The following FAT4 variants were observed in gnomAD, a reference collection of about 807,000 sequenced individuals.
The protein encoded by FAT4 is protocadherin Fat 4.
In FAT4, 84 loss-of-function variants were observed where a neutral mutation model predicts 303.9. That is an observed-to-expected ratio of 0.28 (90% CI 0.23 to 0.33). The LOEUF (loss-of-function observed/expected upper bound fraction) is 0.33. FAT4 is among the 10% of genes least tolerant of loss of function. FAT4 has a pLI of 1.00. For missense variants in FAT4, 6,005 were observed against 6,146.8 expected, an observed-to-expected ratio of 0.98 and a Z score of 0.77; for synonymous variants, 2,307 against 2,298.8, an observed-to-expected ratio of 1.00 and a Z score of -0.10.
At position 125,376,582 on chromosome 4, in the gene FAT4, A is replaced by G. The variant is rs1310584717; in HGVS notation, c.5176-22202A>G. 2.6e-5 allele frequency among the ~76,000 whole-genome samples: 4 copies of G among 152,276 alleles called. No homozygotes were observed. The East Asian group carries it at 7.7e-4, about 29-fold the overall frequency. ...CCTGCACGTTGTGCACGTGAACCCT[A>G]GATCTTAAGTATAATTAAAAATAAA... On this transcript the variant is annotated intron_variant, in intron 2 of 17. Coordinates refer to ENST00000394329, the MANE Select transcript of FAT4 (RefSeq NM_001291303.3).
intron 2 of FAT4, among the ~76,000 whole-genome samples, chr4:125,350,758 C>T (rs1402553245): frequency 6.6e-6 from 1 of 151,626 alleles, no homozygotes; most frequent in Non-Finnish European, 1.5e-5. Flanking sequence ...TGCTGATTTC[C>T]TTGAAAGTAC....
intron 2 of FAT4, among the ~76,000 whole-genome samples, chr4:125,349,487 C>T (rs1732136614): frequency 6.6e-6 from 1 of 151,674 alleles, no homozygotes; most frequent in African/African-American, 2.4e-5. Flanking sequence ...CTGTGTTTCT[C>T]ATTCACCCTA....
At position 125,479,614 on chromosome 4, in the gene FAT4, T is replaced by C. The variant is rs1727151768; in HGVS notation, c.12480-127T>C. 8.8e-6 allele frequency: 8 copies of C among 904,548 alleles called. No individual in the cohort carries two copies. In the South Asian group the frequency reaches 3.1e-4, roughly 35 times the overall value. The allele number at this position is 904,548 out of a possible 1,614,324, so 56.0% of individuals were successfully genotyped here. ...GTTTGATTAGTTTCTCCAAATGTAGTTGTAACTTGAGCTTCAAATAATGGA... is the reference window on the plus strand; with the variant it reads ...GTTTGATTAGTTTCTCCAAATGTAGCTGTAACTTGAGCTTCAAATAATGGA... On this transcript the variant is annotated intron_variant, in intron 14 of 17. Transcript: ENST00000394329.
chr4:125,418,009 C>T (rs1320199821), intron 7 of FAT4, among the ~76,000 whole-genome samples: 2 of 152,066 alleles, frequency 1.3e-5, no homozygotes, highest in African/African-American at 2.4e-5. Flanking sequence ...TTTAGACATC[C>T]GGTTTTAGAA....
In FAT4 at chr4:125,448,668, C is replaced by T. The variant is rs765513094; in HGVS notation, c.7658C>T (p.Ser2553Phe). The change falls in exon 10 of 18, where the codon TCT becomes TTT. Residue 2553 changes from serine to phenylalanine, a missense_variant. By Grantham distance (155) the Ser-to-Phe change is radical. Transcript: ENST00000394329. ...GGTGGCTCATTTCCAAAGACAGATTCTACAACAGTGACTGTTAGATTCGTG... is the reference window on the plus strand; with the variant it reads ...GGTGGCTCATTTCCAAAGACAGATTTTACAACAGTGACTGTTAGATTCGTG... ...KDGGSFPKTD[S>F]TTVTVRFVNK... 6.2e-7 allele frequency: 1 copy of T among 1,613,930 alleles called. No homozygotes were observed. The highest frequency in any genetic ancestry group is 1.1e-5 in the South Asian group (1 of 91,078).
Position 125,406,717 on chromosome 4 carries a change from C to T in FAT4, c.5308-163C>T, listed in dbSNP as rs750034318. On this transcript the variant is annotated intron_variant, in intron 3 of 17. Transcript: ENST00000394329. ...GGGCATACAAAGCTTTTACCGCCTT[C>T]GTTAGTTAGTAAGTTTATCTCTCAT... Among the ~76,000 whole-genome samples the T allele has an allele frequency of 5.3e-5, 8 of 152,198 alleles. No homozygotes were observed. In the East Asian group the frequency reaches 5.8e-4, roughly 11 times the overall value.
intron 10 of FAT4, 129 bp downstream of exon 10, chr4:125,452,939 T>C: frequency 8.4e-7 from 1 of 1,189,258 alleles, no homozygotes. Context: ...TTTTTAAACA[T>C]TTACTGTTGG....
Position 125,450,350 on chromosome 4 carries a change from T to C in FAT4, c.9340T>C (p.Ser3114Pro). The C allele has an allele frequency of 6.2e-7, 1 of 1,614,118 alleles. No individual in the cohort carries two copies. The highest frequency in any genetic ancestry group is 1.6e-4 in the Middle Eastern group (1 of 6,062). Residue 3114 changes from serine to proline, a missense_variant, in exon 10 of 18, where the codon TCT (serine) becomes CCT (proline). Transcript: ENST00000394329. The part of the protein sequence containing the change: ...HSIGSIVRTV[S>P]ARDRDAAMNG... ...CATTGGGTCCATTGTCAGAACTGTT[T>C]CTGCAAGAGATAGAGATGCAGCGAT...
chr4:125,380,930 C>T (rs761921694), intron 2 of FAT4, among the ~76,000 whole-genome samples: 1 of 152,026 alleles, frequency 6.6e-6, no homozygotes, highest in Non-Finnish European at 1.5e-5. Context: ...CAAACATTTG[C>T]TTTTTTAATA....
At chr4:125,325,568 A>T (rs1055278214) in intron 2 of FAT4, among the ~76,000 whole-genome samples, 1 of 152,206 alleles carries the variant, frequency 6.6e-6, no homozygotes, top group Non-Finnish European at 1.5e-5. Context: ...TCAGCTTACA[A>T]TTCAATTACA....
rs777227931 is a variant in FAT4 at position 125,468,693 on chromosome 4, C to A, written c.12087C>A (p.Ala4029=). ...NQTGDRAEFL[A]LEIAEERLRF... is the part of the protein sequence containing the mutation. The stretch of plus-strand genomic sequence containing the variant: ...CAGGCGACCGGGCTGAGTTTTTGGC[C>A]CTTGAAATTGCCGAAGAAAGACTAA... Residue 4029 remains alanine (A), a synonymous_variant, in exon 12 of 18, where the codon GCC becomes GCA. Coordinates refer to ENST00000394329, the MANE Select transcript of FAT4 (RefSeq NM_001291303.3). 1.9e-6 allele frequency: 3 copies of A among 1,614,004 alleles called. No individual in the cohort carries two copies. The South Asian group carries it at 3.3e-5, about 18-fold the overall frequency.
rs1371547457 is a variant in FAT4 at position 125,319,300 on chromosome 4, A to G, written c.2889A>G (p.Gln963=). 1.2e-6 allele frequency: 2 copies of G among 1,613,986 alleles called. No homozygotes were observed. The highest frequency in any genetic ancestry group is 1.7e-6 in the Non-Finnish European group (2 of 1,180,034). The change falls in exon 2 of 18, where the codon CAA becomes CAG. Residue 963 remains glutamine, a synonymous_variant. Coordinates refer to ENST00000394329, the MANE Select transcript of FAT4 (RefSeq NM_001291303.3). The part of the protein sequence containing the change: ...GPLDVHAGSY[Q]IEILASDMGV... ...TGGATGTTCATGCTGGCTCCTACCA[A>G]ATAGAGATCTTGGCATCTGACATGG...
At position 125,320,516 on chromosome 4, in the gene FAT4, A is replaced by G. The variant is rs1560756651; in HGVS notation, c.4105A>G (p.Thr1369Ala). 6.2e-7 allele frequency: 1 copy of G among 1,614,026 alleles called. No individual in the cohort carries two copies. Among genetic ancestry groups the G allele is most frequent in the Non-Finnish European group, 8.5e-7 (1 of 1,179,934 alleles). The stretch of plus-strand genomic sequence containing the variant: ...CGGAACTTTTAGCATTAGCCCAAAC[A>G]CTGGGAGTATTTTTCTTGCCAAAAA... The part of the protein sequence containing the change: ...NHGTFSISPN[T>A]GSIFLAKKLD... Residue 1369 changes from threonine (T) to alanine (A), a missense_variant, in exon 2 of 18, where the codon ACT (threonine) becomes GCT (alanine). Transcript: ENST00000394329.
intron 4 of FAT4, among the ~76,000 whole-genome samples, chr4:125,407,576 C>G (rs1734667002): frequency 6.6e-6 from 1 of 152,070 alleles, no homozygotes; most frequent in East Asian, 1.9e-4. Context: ...TTTCAATTCT[C>G]TATCCTGTAA....
chr4:125,415,523 G>A lies in FAT4; in HGVS notation c.6560G>A (p.Gly2187Glu). 1 of 1,614,080 alleles carries A rather than the reference G, an allele frequency of 6.2e-7. No homozygotes were observed. Among genetic ancestry groups the A allele is most frequent in the Non-Finnish European group, 8.5e-7 (1 of 1,179,970 alleles). The stretch of plus-strand genomic sequence containing the variant: ...GCAGATGGAGATGAAGGCACAAATG[G>A]ACAGGTTCGCTATGGCATTGTTAAT... ...FAADGDEGTN[G>E]QVRYGIVNGN... The change falls in exon 6 of 18, where the codon GGA becomes GAA. Residue 2187 changes from glycine (G) to glutamate (E), a missense_variant. By Grantham distance (98) the Gly-to-Glu change is moderately conservative. Coordinates refer to ENST00000394329, the MANE Select transcript of FAT4 (RefSeq NM_001291303.3).
At chr4:125,384,688 G>T (rs1267867627) in intron 2 of FAT4, among the ~76,000 whole-genome samples, 1 of 151,972 alleles carries the variant, frequency 6.6e-6, no homozygotes, top group Non-Finnish European at 1.5e-5. Flanking sequence ...TCTATCACTT[G>T]TGCTTTTCCT....
intron 11 of FAT4, among the ~76,000 whole-genome samples, chr4:125,465,965 G>A (rs993462031): frequency 2.0e-5 from 3 of 152,086 alleles, no homozygotes; most frequent in African/African-American, 7.2e-5. Flanking sequence ...ATGTCAGATG[G>A]CATGCCTCAA....
intron 2 of FAT4, among the ~76,000 whole-genome samples, chr4:125,339,704 G>A (rs997501223): frequency 6.6e-6 from 1 of 152,036 alleles, no homozygotes; most frequent in African/African-American, 2.4e-5. Flanking sequence ...AGAAAACTGA[G>A]GCTCAGGGAA....
In FAT4 at chr4:125,451,016, C is replaced by T. The variant is rs779250910; in HGVS notation, c.10006C>T (p.His3336Tyr). The change falls in exon 10 of 18, where the codon CAC becomes TAC. Residue 3336 changes from histidine to tyrosine, a missense_variant. His to Tyr is a moderately conservative substitution (Grantham distance 83). Transcript: ENST00000394329. ...TGATTTGGGCACTGATGGGGAGGTA[C>T]ACTATTTGATTTTTGGTAATAGTCG... ...DRDLGTDGEVHYLIFGNSRKK... is the reference protein window; with the variant it reads ...DRDLGTDGEVYYLIFGNSRKK... 5.6e-6 allele frequency: 9 copies of T among 1,613,878 alleles called. No individual in the cohort carries two copies. Among genetic ancestry groups the T allele is most frequent in the African/African-American group, 1.3e-5 (1 of 74,862 alleles).
Sources: gnomAD v4.1 joint callset for allele counts (sites outside exome capture counted in the v4.1 genomes callset) on GRCh38, gnomAD v4.1.1 for gene constraint, MANE v1.5 for transcripts, NCBI Gene and HGNC (gene_info 2026-07-23, HGNC 2026-07-21) for gene names.